The following TBC1D1 variants were observed in gnomAD, a reference collection of about 807,000 sequenced individuals.
TBC1D1 encodes the protein TBC1 (tre-2/USP6, BUB2, cdc16) domain family, member 1.
Under a neutral mutation model 125.6 loss-of-function variants are expected in TBC1D1, and 89 were observed. The observed-to-expected ratio is 0.71, with a 90% confidence interval of 0.60 to 0.85. The LOEUF (loss-of-function observed/expected upper bound fraction) is 0.85, where lower values mean the gene tolerates loss of function less well. Among genes scored for constraint, TBC1D1 ranks in the 40% least tolerant of loss-of-function variants. TBC1D1 has a pLI of 0.00. For missense variants in TBC1D1, 1,377 were observed against 1,469.2 expected (o/e 0.94, Z 1.03); for synonymous variants, 565 against 564.1 (o/e 1.00, Z -0.02).
At chr4:38,132,882 T>A (rs1765828152) in intron 18 of TBC1D1, 1 of 369,366 alleles carries the variant, frequency 2.7e-6, no homozygotes, top group Non-Finnish European at 5.0e-6. Flanking sequence ...TTTCTAGATG[T>A]TTCTTATATC....
At chr4:37,996,180 C>G in intron 2 of TBC1D1, 1 of 356,816 alleles carries the variant, frequency 2.8e-6, no homozygotes, top group Non-Finnish European at 5.8e-6. Context: ...CCTCCCTGCT[C>G]AGGCACCCAC....
intron 12 of TBC1D1, among the ~76,000 whole-genome samples, chr4:38,077,560 GC>G (rs1261353636): frequency 6.6e-6 from 1 of 151,076 alleles, no homozygotes; most frequent in African/African-American, 2.4e-5. Flanking sequence ...TATGAAATCT[GC>G]CCATCTATAT....
chr4:38,130,056 A>T (rs891571201), intron 18 of TBC1D1, among the ~76,000 whole-genome samples: 2 of 152,244 alleles, frequency 1.3e-5, no homozygotes, highest in African/African-American at 2.4e-5. Flanking sequence ...AGCCATATGT[A>T]TAAGGTTATT....
intron 12 of TBC1D1, among the ~76,000 whole-genome samples, chr4:38,078,124 A>G (rs531531760): frequency 6.6e-6 from 1 of 152,316 alleles, no homozygotes; most frequent in East Asian, 1.9e-4. Context: ...CTGTGAATTC[A>G]AAAGAAAGGA....
chr4:37,994,712 C>A (rs999163825), intron 2 of TBC1D1, among the ~76,000 whole-genome samples: 2 of 152,162 alleles, frequency 1.3e-5, no homozygotes, highest in African/African-American at 4.8e-5. Flanking sequence ...ATGAAACTTG[C>A]CGTGTGACCT....
rs1168740657 is a variant in TBC1D1 at position 38,019,171 on chromosome 4, C to CT, written c.972+738dup. On this transcript the variant is annotated intron_variant, in intron 4 of 19. Coordinates refer to ENST00000261439, the MANE Select transcript of TBC1D1 (RefSeq NM_015173.4). ...ATGAGATCACTTAAGGTTATATTTG[C>CT]TTTTTTTTTTAAACTCTGGATTTTT... Among the ~76,000 whole-genome samples, 10 of 147,452 alleles carry CT rather than the reference C, an allele frequency of 6.8e-5. No homozygotes were observed. In the South Asian group the frequency reaches 1.3e-3, roughly 19 times the overall value.
intron 15 of TBC1D1, chr4:38,111,966 T>C (rs1020750892): frequency 5.1e-5 from 50 of 985,294 alleles, no homozygotes; most frequent in Middle Eastern, 5.2e-4. Context: ...GGACAGGAAG[T>C]TGCATTTGGG....
intron 2 of TBC1D1, among the ~76,000 whole-genome samples, chr4:37,985,669 CA>C (rs1398968104): frequency 2.6e-5 from 4 of 152,102 alleles, no homozygotes; most frequent in Non-Finnish European, 4.4e-5. Context: ...AGATGTAAAC[CA>C]TTTAAAACAT....
rs202235244 is a variant in TBC1D1, at chr4:38,103,074, G to A, written c.2474G>A (p.Ser825Asn). 2.5e-6 allele frequency: 4 copies of A among 1,614,136 alleles called. No homozygotes were observed. The African/African-American group carries it at 5.3e-5, about 22-fold the overall frequency. The change falls in exon 15 of 20, where the codon AGC (serine) becomes AAC (asparagine). Residue 825 changes from serine (S) to asparagine (N), a missense_variant. By Grantham distance (46) the Ser-to-Asn change is conservative (BLOSUM62 1). Coordinates refer to ENST00000261439, the MANE Select transcript of TBC1D1 (RefSeq NM_015173.4). ...TTCCACCTTAAACACCAGTTTCCCA[G>A]CAAACAGCAGCCAAAGGATGTGCCA... is the stretch of plus-strand genomic sequence containing the variant.
intron 2 of TBC1D1, among the ~76,000 whole-genome samples, chr4:37,908,264 C>T (rs1043617733): frequency 3.3e-5 from 5 of 151,988 alleles, no homozygotes; most frequent in Non-Finnish European, 7.4e-5. Context: ...GGAATGCAGT[C>T]GTGCAATCTT....
chr4:37,892,794 A>AGTTTGTCAAAAAT (rs56809372), intron 1 of TBC1D1, among the ~76,000 whole-genome samples: 1 of 152,106 alleles, frequency 6.6e-6, no homozygotes, highest in Admixed American at 6.6e-5. Flanking sequence ...CATAAGGCAC[A>AGTTTGTCAAAAAT]GTTTGTCAAA....
chr4:38,122,596 C>T (rs1464369121), intron 17 of TBC1D1, among the ~76,000 whole-genome samples: 1 of 152,184 alleles, frequency 6.6e-6, no homozygotes, highest in Non-Finnish European at 1.5e-5. Flanking sequence ...TCGTAACACC[C>T]TGGGCATAAC....
intron 12 of TBC1D1, among the ~76,000 whole-genome samples, chr4:38,077,741 T>G (rs1270736259): frequency 6.6e-6 from 1 of 151,778 alleles, no homozygotes; most frequent in Non-Finnish European, 1.5e-5. Flanking sequence ...TTTTCCCCTC[T>G]CCCTTGTCTT....
chr4:38,130,815 C>T (rs549197932), intron 18 of TBC1D1, among the ~76,000 whole-genome samples: 1 of 152,298 alleles, frequency 6.6e-6, no homozygotes, highest in East Asian at 1.9e-4. Flanking sequence ...CTGTTTTATT[C>T]ATCTGAGACA....
chr4:37,915,306 A>G (rs1188908362), intron 2 of TBC1D1, among the ~76,000 whole-genome samples: 2 of 152,216 alleles, frequency 1.3e-5, no homozygotes, highest in African/African-American at 2.4e-5. Context: ...ACTGGCTCAC[A>G]TGATTATGGA....
At chr4:38,117,352 T>G (rs1763148016) in intron 16 of TBC1D1, among the ~76,000 whole-genome samples, 1 of 152,208 alleles carries the variant, frequency 6.6e-6, no homozygotes, top group African/African-American at 2.4e-5. Context: ...TCTGTGAGCC[T>G]GTAACTCTTG....
intron 12 of TBC1D1, among the ~76,000 whole-genome samples, chr4:38,081,657 A>C (rs1167819495): frequency 6.6e-6 from 1 of 152,338 alleles, no homozygotes; most frequent in Non-Finnish European, 1.5e-5. Context: ...ATAGGAATTC[A>C]GCACTTACTC....
chr4:37,966,687 T>C (rs1731141047), intron 2 of TBC1D1, among the ~76,000 whole-genome samples: 1 of 152,192 alleles, frequency 6.6e-6, no homozygotes, highest in Non-Finnish European at 1.5e-5. Context: ...AACGTGCAGG[T>C]TTGATACATA....
chr4:37,980,320 G>A (rs1012332855), intron 2 of TBC1D1, among the ~76,000 whole-genome samples: 5 of 152,198 alleles, frequency 3.3e-5, no homozygotes, highest in African/African-American at 9.7e-5. Flanking sequence ...ATAGCAGTGT[G>A]ATTTCTTGAT....
Sources: gnomAD v4.1 joint callset for allele counts (sites outside exome capture counted in the v4.1 genomes callset) on GRCh38, gnomAD v4.1.1 for gene constraint, MANE v1.5 for transcripts, NCBI Gene and HGNC (gene_info 2026-07-23, HGNC 2026-07-21) for gene names.